PCDHA10: variants seen among roughly 807,000 people sequenced by gnomAD.
PCDHA10 encodes protocadherin alpha-10.
Under a neutral mutation model 61.2 loss-of-function variants are expected in PCDHA10, and 45 were observed. The ratio of observed to expected loss-of-function variants is 0.74; its 90% CI spans 0.58 to 0.94. PCDHA10 has a LOEUF of 0.94. PCDHA10 is among the 40% of genes least tolerant of loss of function. The pLI, the probability that PCDHA10 is intolerant of heterozygous loss-of-function variation, is 0.00. For missense variants in PCDHA10, 1,278 were observed against 1,236.2 expected, an observed-to-expected ratio of 1.03 and a Z score of -0.51; for synonymous variants, 602 against 548.8, an observed-to-expected ratio of 1.10 and a Z score of -1.35.
intron 1 of PCDHA10, chr5:140,967,461 G>A (rs782466677): frequency 6.8e-6 from 11 of 1,613,572 alleles, no homozygotes; most frequent in Non-Finnish European, 8.5e-6. Context: ...GCCGTGGATG[G>A]GGGCATCCCA....
intron 1 of PCDHA10, among the ~76,000 whole-genome samples, chr5:140,954,988 A>G (rs554115730): frequency 2.0e-5 from 3 of 152,204 alleles, no homozygotes; most frequent in Admixed American, 6.5e-5. Context: ...AATTTTCTGC[A>G]TATGGCTAGC....
In PCDHA10 at chr5:140,856,786, T is replaced by C. The variant is rs1304575446; in HGVS notation, c.738T>C (p.Tyr246=). 2.5e-6 allele frequency: 4 copies of C among 1,596,308 alleles called. No individual in the cohort carries two copies. Among genetic ancestry groups the C allele is most frequent in the East Asian group, 4.5e-5 (2 of 44,868 alleles). ...DNAPIFDRPV[Y]EVKMYENQVN... ...CCCCTATCTTTGACAGACCGGTTTA[T>C]GAAGTTAAGATGTATGAAAATCAAG... Residue 246 remains tyrosine (Y), a synonymous_variant, in exon 1 of 4, where the codon TAT becomes TAC. Transcript: ENST00000307360.
chr5:140,968,813 A>T, intron 1 of PCDHA10: 2 of 1,614,194 alleles, frequency 1.2e-6, no homozygotes, highest in Non-Finnish European at 1.7e-6. Context: ...TGTGGTGGAT[A>T]GGGTTTCCAA....
rs782309251 is a variant in PCDHA10 at position 140,857,346 on chromosome 5, C to T, written c.1298C>T (p.Pro433Leu). The change falls in exon 1 of 4, where the codon CCG becomes CTG. Residue 433 changes from proline (P) to leucine (L), a missense_variant. By Grantham distance (98) the Pro-to-Leu change is moderately conservative. Coordinates refer to ENST00000307360, the MANE Select transcript of PCDHA10 (RefSeq NM_018901.4). Reference protein sequence around the residue: ...VVTARDGGSPPLWATASVSVE... With the variant: ...VVTARDGGSPLLWATASVSVE... ...ACCGCGCGGGACGGGGGCTCGCCTC[C>T]GCTGTGGGCCACGGCCAGCGTGTCT... 1 of 1,598,444 alleles carries T rather than the reference C, an allele frequency of 6.3e-7. No individual in the cohort carries two copies. The highest frequency in any genetic ancestry group is 1.1e-5 in the South Asian group (1 of 90,516).
At chr5:141,008,440 A>T (rs545076432) in intron 3 of PCDHA10, among the ~76,000 whole-genome samples, 196 of 152,294 alleles carry the variant, frequency 1.3e-3, no homozygotes, top group South Asian at 8.7e-3. Flanking sequence ...GCCCAGACAG[A>T]CCATTACCCT....
chr5:140,868,562 A>C (rs2153231296), intron 1 of PCDHA10: 1 of 152,960 alleles, frequency 6.5e-6, no homozygotes, highest in South Asian at 2.1e-4. Flanking sequence ...TTTTTATATG[A>C]GGAACAACAC....
intron 1 of PCDHA10, among the ~76,000 whole-genome samples, chr5:140,898,272 A>T (rs13177412): frequency 6.6e-6 from 1 of 152,110 alleles, no homozygotes; most frequent in Non-Finnish European, 1.5e-5. Flanking sequence ...CCCATGCCTA[A>T]GTTCTGAATG....
At chr5:140,946,151 C>T (rs943826321) in intron 1 of PCDHA10, among the ~76,000 whole-genome samples, 6 of 151,694 alleles carry the variant, frequency 4.0e-5, no homozygotes, top group East Asian at 1.9e-4. Context: ...ACAAATAACA[C>T]GATTTAAAAG....
At chr5:140,986,458 A>G (rs1199378141) in intron 3 of PCDHA10, among the ~76,000 whole-genome samples, 1 of 152,166 alleles carries the variant, frequency 6.6e-6, no homozygotes, top group Admixed American at 6.5e-5. Flanking sequence ...GTTTTAATGA[A>G]TGCCCTCTTG....
chr5:140,877,406 A>G (rs1554169685), intron 1 of PCDHA10: 2 of 1,613,868 alleles, frequency 1.2e-6, no homozygotes, highest in East Asian at 2.2e-5. Flanking sequence ...GCTCCGCGCC[A>G]CCGCCTGCTG....
intron 1 of PCDHA10, chr5:140,865,859 A>T (rs1328083716): frequency 1.3e-5 from 2 of 152,318 alleles, no homozygotes; most frequent in East Asian, 3.9e-4. Context: ...CTGCTCAAAC[A>T]TGGTCTCGGC....
In PCDHA10 at chr5:140,982,464, T is replaced by C; in HGVS notation, c.2448-11T>C. 6.2e-7 allele frequency: 1 copy of C among 1,614,112 alleles called. No individual in the cohort carries two copies. Among genetic ancestry groups the C allele is most frequent in the Non-Finnish European group, 8.5e-7 (1 of 1,180,010 alleles). ...GATCTAACCGTTATCTGGGTCTGTG[T>C]GTTTATTCAGCTCTGTGCACCTAGA... On this transcript the variant is annotated splice_polypyrimidine_tract_variant and intron_variant, in intron 2 of 3. Coordinates refer to ENST00000307360, the MANE Select transcript of PCDHA10 (RefSeq NM_018901.4).
intron 1 of PCDHA10, among the ~76,000 whole-genome samples, chr5:140,905,614 A>T (rs1167406063): frequency 6.6e-6 from 1 of 152,094 alleles, no homozygotes; most frequent in Non-Finnish European, 1.5e-5. Flanking sequence ...GAATCTATAG[A>T]TTGCTTTTGA....
At chr5:140,968,473 G>A in intron 1 of PCDHA10, 1 of 1,614,098 alleles carries the variant, frequency 6.2e-7, no homozygotes. Flanking sequence ...ACGTATATGT[G>A]GTGGACATGA....
intron 1 of PCDHA10, among the ~76,000 whole-genome samples, chr5:140,953,593 G>T (rs1392522676): frequency 6.6e-6 from 1 of 152,026 alleles, no homozygotes; most frequent in African/African-American, 2.4e-5. Context: ...GCCTCCTTTT[G>T]TTTATTCCCC....
At chr5:140,921,961 C>T (rs528457864) in intron 1 of PCDHA10, among the ~76,000 whole-genome samples, 88 of 151,252 alleles carry the variant, frequency 5.8e-4, no homozygotes, top group Non-Finnish European at 9.1e-4. Context: ...TCCCAGAAAA[C>T]CAAAGGAAAA....
intron 3 of PCDHA10, among the ~76,000 whole-genome samples, chr5:140,987,422 G>A (rs1554249178): frequency 6.6e-6 from 1 of 152,152 alleles, no homozygotes; most frequent in Non-Finnish European, 1.5e-5. Flanking sequence ...CTTGTGAGAA[G>A]CAGGGGGCCT....
At chr5:140,884,395 C>T (rs1554181520) in intron 1 of PCDHA10, 1 of 1,614,000 alleles carries the variant, frequency 6.2e-7, no homozygotes, top group African/African-American at 1.3e-5. Context: ...CGGTGTCCAG[C>T]CTGTTGGTGC....
intron 1 of PCDHA10, among the ~76,000 whole-genome samples, chr5:140,964,965 G>GA (rs1296818132): frequency 6.6e-6 from 1 of 152,204 alleles, no homozygotes; most frequent in Non-Finnish European, 1.5e-5. Context: ...TTGGTGGAAC[G>GA]AAGGGATGTG....
Sources: gnomAD v4.1 joint callset for allele counts (sites outside exome capture counted in the v4.1 genomes callset) on GRCh38, gnomAD v4.1.1 for gene constraint, MANE v1.5 for transcripts, NCBI Gene and HGNC (gene_info 2026-07-23, HGNC 2026-07-21) for gene names.